FTO: variants seen among roughly 807,000 people sequenced by gnomAD.
FTO encodes alpha-ketoglutarate-dependent dioxygenase FTO.
Under a neutral mutation model 63.9 loss-of-function variants are expected in FTO, and 47 were observed. The observed-to-expected ratio is 0.74, with a 90% CI of 0.58 to 0.94. FTO has a LOEUF of 0.94. Among genes scored for constraint, FTO ranks in the 40% least tolerant of loss-of-function variants. FTO has a pLI of 0.00. For missense variants in FTO, 562 were observed against 618.1 expected (o/e 0.91, Z 0.96); for synonymous variants, 207 against 224.4 (o/e 0.92, Z 0.69).
chr16:54,074,917 AGT>A (rs3040381), intron 8 of FTO, among the ~76,000 whole-genome samples: 3,706 of 134,090 alleles, frequency 0.028, 55 homozygotes, highest in East Asian at 0.059. Flanking sequence ...AGAGAGAGAG[AGT>A]GTGTGTGTGT....
rs749222706 is a variant in FTO at position 53,803,708 on chromosome 16, T to C, written c.46-6432T>C. 1.1e-4 allele frequency among the ~76,000 whole-genome samples: 16 copies of C among 152,298 alleles called. 1 individual carries two copies. The highest frequency in any genetic ancestry group is 2.1e-4 in the Non-Finnish European group (14 of 68,026). ...GATTCTTTCATAAGCAGCAGTATAG[T>C]CTCTTGCCAGTCACTTCATAGCTCT... On this transcript the variant is annotated intron_variant, in intron 1 of 8. Coordinates refer to ENST00000471389, the MANE Select transcript of FTO (RefSeq NM_001080432.3).
rs560615337 is a variant in FTO at position 54,079,220 on chromosome 16, GTAT to G, written c.1365-32540_1365-32538del. 2.3e-3 allele frequency among the ~76,000 whole-genome samples: 343 copies of G among 152,250 alleles called. 2 individuals carry two copies. Among genetic ancestry groups the G allele is most frequent in the African/African-American group, 7.5e-3 (313 of 41,546 alleles). On this transcript the variant is annotated intron_variant, in intron 8 of 8. Coordinates refer to ENST00000471389, the MANE Select transcript of FTO (RefSeq NM_001080432.3). ...TAGGTACGCCCTTAGAGATGGGGTA[GTAT>G]TTATGAAGATCTAGTGAGTTCAGTG...
chr16:54,109,594 G>A (rs978893096), intron 8 of FTO, among the ~76,000 whole-genome samples: 2 of 152,122 alleles, frequency 1.3e-5, no homozygotes, highest in African/African-American at 4.8e-5. Flanking sequence ...GGCCTACCAG[G>A]GTGCAAGGGA....
intron 1 of FTO, among the ~76,000 whole-genome samples, chr16:53,781,794 CTGTT>C (rs113454766): frequency 0.19 from 28,891 of 151,602 alleles, 3,915 homozygotes; most frequent in East Asian, 0.51. Context: ...TTTAACAGCC[CTGTT>C]TGTTTGTTTG....
At chr16:53,863,099 A>T (rs975150982) in intron 4 of FTO, among the ~76,000 whole-genome samples, 1 of 152,164 alleles carries the variant, frequency 6.6e-6, no homozygotes, top group Non-Finnish European at 1.5e-5. Context: ...TTCTGATCTC[A>T]TACTGTTTCA....
intron 8 of FTO, among the ~76,000 whole-genome samples, chr16:53,972,506 C>G (rs553220748): frequency 2.0e-3 from 301 of 152,206 alleles, no homozygotes; most frequent in African/African-American, 7.1e-3. Context: ...GTATTGAAAT[C>G]CAAGACAATA....
At chr16:53,713,753 ACT>A (rs1185799795) in intron 1 of FTO, among the ~76,000 whole-genome samples, 4 of 152,106 alleles carry the variant, frequency 2.6e-5, no homozygotes, top group Non-Finnish European at 1.5e-5. Context: ...CATAAGATCT[ACT>A]CTCTTACCAC....
intron 1 of FTO, among the ~76,000 whole-genome samples, chr16:53,717,728 G>A (rs73609960): frequency 2.3e-3 from 354 of 151,956 alleles, no homozygotes; most frequent in African/African-American, 7.8e-3. Context: ...AATTTAGTTG[G>A]TGTTATGGTA....
At chr16:53,951,550 A>T (rs564581580) in intron 8 of FTO, among the ~76,000 whole-genome samples, 17 of 152,192 alleles carry the variant, frequency 1.1e-4, no homozygotes, top group Non-Finnish European at 2.5e-4. Flanking sequence ...ATTCTGTGAG[A>T]CACTGATGAA....
intron 4 of FTO, among the ~76,000 whole-genome samples, chr16:53,847,097 T>G (rs1008757985): frequency 1.3e-5 from 2 of 152,218 alleles, no homozygotes; most frequent in South Asian, 4.1e-4. Context: ...TCTTTTAATC[T>G]TCTCAGCAAT....
intron 8 of FTO, among the ~76,000 whole-genome samples, chr16:54,059,392 T>G (rs1179074417): frequency 1.3e-5 from 2 of 152,204 alleles, no homozygotes; most frequent in African/African-American, 4.8e-5. Context: ...CTTGGTGACA[T>G]TCCTGAGAAA....
At chr16:53,735,217 C>T (rs938711646) in intron 1 of FTO, among the ~76,000 whole-genome samples, 3 of 152,196 alleles carry the variant, frequency 2.0e-5, no homozygotes, top group African/African-American at 7.2e-5. Flanking sequence ...GAGACAAATA[C>T]ATTTAAGACC....
intron 2 of FTO, among the ~76,000 whole-genome samples, chr16:53,812,240 C>T (rs2078550263): frequency 1.3e-5 from 2 of 151,956 alleles, no homozygotes; most frequent in Admixed American, 6.6e-5. Flanking sequence ...CATACTTTAT[C>T]TATACCTTTA....
At chr16:54,051,559 T>C (rs1453171862) in intron 8 of FTO, among the ~76,000 whole-genome samples, 2 of 152,212 alleles carry the variant, frequency 1.3e-5, no homozygotes, top group Non-Finnish European at 2.9e-5. Flanking sequence ...CCCAATACAG[T>C]TGGTGACAAT....
chr16:53,998,011 G>A (rs375708381), intron 8 of FTO, among the ~76,000 whole-genome samples: 146 of 152,232 alleles, frequency 9.6e-4, no homozygotes, highest in African/African-American at 3.4e-3. Flanking sequence ...ACTGTCTAGC[G>A]CACTTCCTAG....
At chr16:53,873,313 C>T (rs2080552560) in intron 4 of FTO, among the ~76,000 whole-genome samples, 2 of 151,912 alleles carry the variant, frequency 1.3e-5, no homozygotes, top group African/African-American at 4.8e-5. Context: ...TAGAGTGACC[C>T]TATATCTCAT....
intron 3 of FTO, among the ~76,000 whole-genome samples, chr16:53,841,218 G>C (rs1039979652): frequency 6.6e-6 from 1 of 150,672 alleles, no homozygotes; most frequent in Admixed American, 6.6e-5. Context: ...TCTCCACTAG[G>C]GCTCTAAAAA....
In FTO at chr16:53,744,829, C is replaced by G. The variant is rs7197669; in HGVS notation, c.45+40600C>G. On this transcript the variant is annotated intron_variant, in intron 1 of 8. Coordinates refer to ENST00000471389, the MANE Select transcript of FTO (RefSeq NM_001080432.3). ...CAGGACTCTAAGGACTTTTCTTCCC[C>G]CCCCCCATATATGAATCTCATTGTA... Among the ~76,000 whole-genome samples the G allele has an allele frequency of 1.2e-3, 82 of 68,868 alleles. 1 individual carries two copies. The highest frequency in any genetic ancestry group is 4.9e-3 in the South Asian group (13 of 2,664). 45.2% of individuals were successfully genotyped at this position (68,868 alleles called of 152,430 possible).
intron 1 of FTO, among the ~76,000 whole-genome samples, chr16:53,796,826 G>C (rs900070717): frequency 1.3e-5 from 2 of 152,074 alleles, no homozygotes; most frequent in African/African-American, 4.8e-5. Flanking sequence ...AGAATAAACT[G>C]CACATATTTA....
Sources: allele counts gnomAD v4.1 joint callset (sites outside exome capture counted in the v4.1 genomes callset), GRCh38; gene constraint gnomAD v4.1.1; transcripts MANE v1.5; gene names NCBI Gene and HGNC (gene_info 2026-07-23, HGNC 2026-07-21).